Variants in GLP2R observed in about 807,000 individuals in gnomAD.
GLP2R encodes glucagon-like peptide 2 receptor.
In GLP2R, 59 loss-of-function variants were observed where a neutral mutation model predicts 68.2. That is an observed-to-expected ratio of 0.87 (90% CI 0.70 to 1.07). The LOEUF (loss-of-function observed/expected upper bound fraction) is 1.07, where lower values mean the gene tolerates loss of function less well. Ranked by LOEUF, GLP2R falls within the 50% of genes least tolerant of loss-of-function variation. The pLI, the probability that GLP2R is intolerant of heterozygous loss-of-function variation, is 0.00. For synonymous variants in GLP2R, 270 were observed against 265.4 expected (o/e 1.02, Z -0.17); for missense variants, 548 against 677.4 (o/e 0.81, Z 2.12).
chr17:9,848,754 G>A (rs371372181), intron 4 of GLP2R, among the ~76,000 whole-genome samples: 2 of 152,084 alleles, frequency 1.3e-5, no homozygotes, highest in East Asian at 1.9e-4. Flanking sequence ...AAAAAGGCCA[G>A]TGTTAGTAAA....
chr17:9,849,056 TATATAATTTTAATATATGGC>T (rs1251172874), intron 4 of GLP2R, among the ~76,000 whole-genome samples: 1 of 151,850 alleles, frequency 6.6e-6, no homozygotes, highest in Non-Finnish European at 1.5e-5. Flanking sequence ...CATATATCTG[TATATAATTTTAATATATGGC>T]ATATAATTTT....
chr17:9,862,697 G>A (rs1467120827), intron 9 of GLP2R, among the ~76,000 whole-genome samples: 1 of 152,156 alleles, frequency 6.6e-6, no homozygotes, highest in East Asian at 1.9e-4. Context: ...AAGCTAGCAG[G>A]AAGGGGCAGA....
chr17:9,865,725 C>G, intron 9 of GLP2R: 1 of 444,932 alleles, frequency 2.2e-6, no homozygotes, highest in Admixed American at 2.6e-5. Flanking sequence ...TACCCTCCAC[C>G]CCCCTGCAAT....
chr17:9,837,768 T>G (rs4239110), intron 3 of GLP2R, among the ~76,000 whole-genome samples: 30,864 of 152,056 alleles, frequency 0.2, 5,133 homozygotes, highest in African/African-American at 0.44. Flanking sequence ...TGTTGCCTTT[T>G]ACCACAGACC....
At chr17:9,872,777 G>A (rs760453852) in intron 10 of GLP2R, among the ~76,000 whole-genome samples, 2 of 152,204 alleles carry the variant, frequency 1.3e-5, no homozygotes, top group Non-Finnish European at 2.9e-5. Context: ...GTAAAAATGG[G>A]AGTGTCACTG....
intron 4 of GLP2R, among the ~76,000 whole-genome samples, chr17:9,850,250 G>T (rs773512339): frequency 2.1e-4 from 32 of 152,100 alleles, no homozygotes; most frequent in Non-Finnish European, 3.8e-4. Context: ...AAAGTAGCCA[G>T]GTTTTGTTAG....
At chr17:9,851,707 A>G (rs1055103696) in intron 4 of GLP2R, among the ~76,000 whole-genome samples, 6 of 152,326 alleles carry the variant, frequency 3.9e-5, no homozygotes, top group African/African-American at 7.2e-5. Context: ...AAAAAAACAT[A>G]CGACATAGAC....
In GLP2R at chr17:9,889,923, C is replaced by T. The variant is rs17681738; in HGVS notation, c.*218C>T. On this transcript the variant is annotated 3_prime_UTR_variant, in exon 13 of 13. Coordinates refer to ENST00000262441, the MANE Select transcript of GLP2R (RefSeq NM_004246.3). ...CTGCCTGCTCTTCTCATCCTAATAA[C>T]CCCCACCAGTGTGTTTTCCACAATG... The T allele has an allele frequency of 0.23, 145,170 of 624,258 alleles. 20,434 individuals are homozygous for T. Among genetic ancestry groups the T allele is most frequent in the Non-Finnish European group, 0.3 (102,007 of 336,042 alleles). The allele number at this position is 624,258 out of a possible 1,614,324, so 38.7% of individuals were successfully genotyped here.
rs2066971874 is a variant in GLP2R at position 9,859,931 on chromosome 17, T to C, written c.766-11T>C. On this transcript the variant is annotated splice_polypyrimidine_tract_variant and intron_variant, in intron 6 of 12. Coordinates refer to ENST00000262441, the MANE Select transcript of GLP2R (RefSeq NM_004246.3). ...GCCTGGACTCACCCTCAGGTGTTTT[T>C]TCCTCTGCAGATGTCCACCTCCTGC... 6.3e-7 allele frequency: 1 copy of C among 1,591,898 alleles called. No homozygotes were observed. Among genetic ancestry groups the C allele is most frequent in the Admixed American group, 1.7e-5 (1 of 58,552 alleles).
At chr17:9,829,414 A>G (rs892017677) in intron 1 of GLP2R, among the ~76,000 whole-genome samples, 3 of 152,086 alleles carry the variant, frequency 2.0e-5, no homozygotes, top group Admixed American at 2.0e-4. Flanking sequence ...TTCAAATTCA[A>G]AGAATTTCTA....
At chr17:9,831,749 T>C (rs1224049733) in intron 1 of GLP2R, among the ~76,000 whole-genome samples, 5 of 152,158 alleles carry the variant, frequency 3.3e-5, no homozygotes, top group African/African-American at 7.2e-5. Context: ...CCTGTTCTCC[T>C]GTCACTGTGG....
intron 10 of GLP2R, among the ~76,000 whole-genome samples, chr17:9,872,032 C>T (rs542966916): frequency 6.6e-6 from 1 of 152,214 alleles, no homozygotes; most frequent in African/African-American, 2.4e-5. Flanking sequence ...CTATTCTTTG[C>T]TTTCTATGTG....
In GLP2R at chr17:9,889,511, C is replaced by T; in HGVS notation, c.1468C>T (p.Leu490Phe). The T allele has an allele frequency of 6.2e-7, 1 of 1,614,244 alleles. No individual in the cohort carries two copies. The highest frequency in any genetic ancestry group is 8.5e-7 in the Non-Finnish European group (1 of 1,180,028). The change falls in exon 13 of 13, where the codon CTT becomes TTT. Residue 490 changes from leucine (L) to phenylalanine (F), a missense_variant. Coordinates refer to ENST00000262441, the MANE Select transcript of GLP2R (RefSeq NM_004246.3). The part of the protein sequence containing the change: ...KLSEGDGAEK[L>F]RKLQPSLNSG... ...CTCGGAAGGAGATGGCGCTGAGAAGCTTCGGAAGCTGCAGCCCTCACTTAA... is the reference window on the plus strand; with the variant it reads ...CTCGGAAGGAGATGGCGCTGAGAAGTTTCGGAAGCTGCAGCCCTCACTTAA...
Position 9,889,364 on chromosome 17 carries a change from C to G in GLP2R, c.1327-6C>G. The stretch of plus-strand genomic sequence containing the variant: ...ACAGTAACCTCTCACTTGTCTCACC[C>G]GGCAGGTGAAGGCTGAGCTGCGGAA... On this transcript the variant is annotated splice_polypyrimidine_tract_variant and splice_region_variant and intron_variant, in intron 12 of 12. Coordinates refer to ENST00000262441, the MANE Select transcript of GLP2R (RefSeq NM_004246.3). 1 of 1,599,198 alleles carries G rather than the reference C, an allele frequency of 6.3e-7. No individual in the cohort carries two copies. Among genetic ancestry groups the G allele is most frequent in the Non-Finnish European group, 8.6e-7 (1 of 1,167,440 alleles).
Position 9,884,985 on chromosome 17 carries a change from C to T in GLP2R, c.1285-2947C>T, listed in dbSNP as rs562749352. Among the ~76,000 whole-genome samples, 37 of 151,976 alleles carry T rather than the reference C, an allele frequency of 2.4e-4. 1 individual carries two copies. The highest frequency in any genetic ancestry group is 2.1e-3 in the Admixed American group (32 of 15,270). ...CCCTTGATCACCTGATCTCACTCACCCAAGGCCCGGTAAAGACAAGTAATT... is the reference window on the plus strand; with the variant it reads ...CCCTTGATCACCTGATCTCACTCACTCAAGGCCCGGTAAAGACAAGTAATT... On this transcript the variant is annotated intron_variant, in intron 11 of 12. Transcript: ENST00000262441.
At chr17:9,865,711 C>T (rs930146096) in intron 9 of GLP2R, 2 of 431,186 alleles carry the variant, frequency 4.6e-6, no homozygotes, top group African/African-American at 2.1e-5. Flanking sequence ...ATCTCTCTAT[C>T]CCCTACCCTC....
chr17:9,850,599 G>A (rs1016276372), intron 4 of GLP2R, among the ~76,000 whole-genome samples: 5 of 152,028 alleles, frequency 3.3e-5, no homozygotes, highest in African/African-American at 1.2e-4. Context: ...TCCCCAGTGG[G>A]ATTAAGCTCC....
intron 11 of GLP2R, among the ~76,000 whole-genome samples, chr17:9,882,262 C>T (rs992186906): frequency 6.6e-6 from 1 of 152,160 alleles, no homozygotes; most frequent in African/African-American, 2.4e-5. Context: ...TTGGGCATTG[C>T]CAGATACAGT....
chr17:9,831,500 C>A (rs1209719980), intron 1 of GLP2R, among the ~76,000 whole-genome samples: 1 of 152,110 alleles, frequency 6.6e-6, no homozygotes. Flanking sequence ...AAGCTCAAGA[C>A]TCAGGGAGAT....
Sources: gnomAD v4.1 joint callset for allele counts (sites outside exome capture counted in the v4.1 genomes callset) on GRCh38, gnomAD v4.1.1 for gene constraint, MANE v1.5 for transcripts, NCBI Gene and HGNC (gene_info 2026-07-23, HGNC 2026-07-21) for gene names.